DSCAML1: variants seen among roughly 807,000 people sequenced by gnomAD.
The protein encoded by DSCAML1 is DS cell adhesion molecule like 1, also known as cell adhesion molecule DSCAML1.
A neutral mutation model predicts 200.5 loss-of-function variants in DSCAML1; 38 were observed. The observed-to-expected ratio is 0.19, with a 90% CI of 0.15 to 0.25. The LOEUF (loss-of-function observed/expected upper bound fraction) is 0.25, where lower values mean the gene tolerates loss of function less well. DSCAML1 is among the 10% of genes least tolerant of loss of function. The probability of loss-of-function intolerance (pLI) is 1.00; values close to 1 mark genes in which losing one functional copy is unlikely to be tolerated. For synonymous variants in DSCAML1, 1,215 were observed against 1,165.0 expected (o/e 1.04, Z -0.87); for missense variants, 2,223 against 2,858.8 (o/e 0.78, Z 5.07).
At chr11:117,450,412 T>A (rs543486292) in intron 20 of DSCAML1, 137 bp downstream of exon 20, 2 of 1,258,098 alleles carry the variant, frequency 1.6e-6, no homozygotes, top group African/African-American at 3.0e-5. Context: ...GGGTGGCCAG[T>A]CCCCATTCTT....
chr11:117,622,245 G>A (rs2051949094), intron 3 of DSCAML1, among the ~76,000 whole-genome samples: 1 of 152,158 alleles, frequency 6.6e-6, no homozygotes, highest in South Asian at 2.1e-4. Flanking sequence ...TGAATGAGGC[G>A]GCTTTGTGCT....
intron 3 of DSCAML1, among the ~76,000 whole-genome samples, chr11:117,653,790 A>C (rs2052680183): frequency 6.6e-6 from 1 of 152,234 alleles, no homozygotes; most frequent in Non-Finnish European, 1.5e-5. Context: ...AATAGGCAAA[A>C]GGGAGAAACA....
intron 3 of DSCAML1, among the ~76,000 whole-genome samples, chr11:117,684,564 A>G (rs1204037080): frequency 6.6e-6 from 1 of 151,846 alleles, no homozygotes; most frequent in Non-Finnish European, 1.5e-5. Context: ...GCAGAGAGAG[A>G]GAGAGAGAAG....
chr11:117,774,363 G>A (rs1032767143), intron 3 of DSCAML1, among the ~76,000 whole-genome samples: 6 of 152,058 alleles, frequency 3.9e-5, no homozygotes, highest in East Asian at 1.9e-4. Context: ...GCAGCAAACC[G>A]CAAGCGCAAA....
intron 1 of DSCAML1, among the ~76,000 whole-genome samples, chr11:117,814,210 C>T (rs57030693): frequency 1.2e-4 from 18 of 152,240 alleles, no homozygotes; most frequent in African/African-American, 3.6e-4. Context: ...AACGGCCCCA[C>T]CCCTATCTCC....
intron 3 of DSCAML1, among the ~76,000 whole-genome samples, chr11:117,626,206 C>G (rs1025872805): frequency 7.9e-5 from 7 of 88,122 alleles, no homozygotes; most frequent in Non-Finnish European, 1.3e-4. Context: ...GAGACCCCCC[C>G]CCCTCCTTCT....
At chr11:117,465,903 C>T (rs1353790167) in intron 16 of DSCAML1, among the ~76,000 whole-genome samples, 1 of 152,104 alleles carries the variant, frequency 6.6e-6, no homozygotes, top group East Asian at 1.9e-4. Flanking sequence ...TCCCAAGATA[C>T]CACTTCACAT....
intron 3 of DSCAML1, among the ~76,000 whole-genome samples, chr11:117,552,908 T>C (rs2050494344): frequency 6.6e-6 from 1 of 152,232 alleles, no homozygotes; most frequent in South Asian, 2.1e-4. Context: ...AAGTGCGCGA[T>C]GTGCTCAGTA....
chr11:117,724,694 C>G (rs981809275), intron 3 of DSCAML1, among the ~76,000 whole-genome samples: 1 of 152,232 alleles, frequency 6.6e-6, no homozygotes, highest in Admixed American at 6.5e-5. Context: ...CTTGCCAGAG[C>G]AGATAACCCT....
chr11:117,521,524 C>T, intron 5 of DSCAML1, 119 bp from the exon 6 acceptor site: 1 of 1,009,252 alleles, frequency 9.9e-7, no homozygotes, highest in Non-Finnish European at 1.4e-6. Flanking sequence ...CCAGGTTCTG[C>T]CTCCAGACCC....
intron 3 of DSCAML1, among the ~76,000 whole-genome samples, chr11:117,534,912 T>C (rs553221764): frequency 8.5e-5 from 13 of 152,364 alleles, no homozygotes; most frequent in Admixed American, 3.9e-4. Context: ...TTAATAGTTA[T>C]TTATTTAATA....
chr11:117,770,115 C>T (rs886751191), intron 3 of DSCAML1, among the ~76,000 whole-genome samples: 2 of 152,188 alleles, frequency 1.3e-5, no homozygotes, highest in African/African-American at 4.8e-5. Context: ...CTTCAGCATG[C>T]CTTACTGTGT....
chr11:117,438,619 T>C (rs1013743714), intron 24 of DSCAML1, among the ~76,000 whole-genome samples: 6 of 152,110 alleles, frequency 3.9e-5, no homozygotes, highest in African/African-American at 1.2e-4. Flanking sequence ...CTTCGACAGA[T>C]TGGGAAACCC....
intron 3 of DSCAML1, among the ~76,000 whole-genome samples, chr11:117,742,278 G>C (rs1344432104): frequency 6.6e-6 from 1 of 152,198 alleles, no homozygotes; most frequent in Non-Finnish European, 1.5e-5. Flanking sequence ...TGCTACCTTA[G>C]AGAGGAAGCC....
At chr11:117,690,692 A>G (rs2053479008) in intron 3 of DSCAML1, among the ~76,000 whole-genome samples, 1 of 152,258 alleles carries the variant, frequency 6.6e-6, no homozygotes, top group Non-Finnish European at 1.5e-5. Context: ...CCTGGAAGGC[A>G]GGGGACCTGG....
chr11:117,521,071 G>A (rs1000237519), intron 6 of DSCAML1, 59 bp downstream of exon 6: 30 of 1,582,956 alleles, frequency 1.9e-5, no homozygotes, highest in Non-Finnish European at 2.6e-5. Flanking sequence ...TCAGCAGAAG[G>A]GAGGGAATGA....
Position 117,498,763 on chromosome 11 carries a change from C to T in DSCAML1, c.2359+5082G>A, listed in dbSNP as rs984551971. Among the ~76,000 whole-genome samples, 6 of 152,182 alleles carry T rather than the reference C, an allele frequency of 3.9e-5. No individual in the cohort carries two copies. Among genetic ancestry groups the T allele is most frequent in the Admixed American group, 2.6e-4 (4 of 15,282 alleles). ...CACGAGAGTTTGGCCCCAAGCTCCC[C>T]GCTCCTGATGTTGTGGCTGCGCAGC... is the stretch of plus-strand genomic sequence containing the variant. On this transcript the variant is annotated intron_variant, in intron 11 of 32. Transcript: ENST00000651296. The surrounding 1 kb of genome is among the most constrained non-coding windows in gnomAD (Gnocchi z 4.0).
At chr11:117,616,078 T>C (rs548474913) in intron 3 of DSCAML1, among the ~76,000 whole-genome samples, 76 of 152,322 alleles carry the variant, frequency 5.0e-4, no homozygotes, top group African/African-American at 1.6e-3. Flanking sequence ...AATCCTGTAA[T>C]TGACAGAGTC....
At chr11:117,461,386 G>A in intron 18 of DSCAML1, 64 bp downstream of exon 18, 1 of 1,606,266 alleles carries the variant, frequency 6.2e-7, no homozygotes. Context: ...ACTACGCCTG[G>A]AAGCAGACTC....
Sources: gnomAD v4.1 joint callset for allele counts (sites outside exome capture counted in the v4.1 genomes callset) on GRCh38, gnomAD v4.1.1 for gene constraint, Gnocchi (gnomAD v3.1) non-coding constraint, MANE v1.5 for transcripts, NCBI Gene and HGNC (gene_info 2026-07-23, HGNC 2026-07-21) for gene names.